MBD5: variants seen among roughly 807,000 people sequenced by gnomAD.
MBD5 encodes methyl-CpG binding domain protein 5.
MBD5 carries 13 observed loss-of-function variants against 117.3 expected under a neutral mutation model. The ratio of observed to expected loss-of-function variants is 0.11; its 90% CI spans 0.07 to 0.18. The LOEUF (loss-of-function observed/expected upper bound fraction) is 0.18. MBD5 is among the 10% of genes least tolerant of loss of function. The probability of loss-of-function intolerance (pLI) is 1.00; values close to 1 mark genes in which losing one functional copy is unlikely to be tolerated. For synonymous variants in MBD5, 727 were observed against 766.4 expected, an observed-to-expected ratio of 0.95 and a Z score of 0.85; for missense variants, 1,879 against 2,093.8, an observed-to-expected ratio of 0.90 and a Z score of 2.00.
At chr2:148,346,283 A>G (rs1421300887) in intron 4 of MBD5, 1 of 152,142 alleles carries the variant, frequency 6.6e-6, no homozygotes, top group African/African-American at 2.4e-5. Context: ...TTATAAATTT[A>G]CATTTAAAAT....
chr2:148,353,418 A>G (rs74820697), intron 4 of MBD5, among the ~76,000 whole-genome samples: 8 of 151,904 alleles, frequency 5.3e-5, no homozygotes, highest in Non-Finnish European at 8.8e-5. Flanking sequence ...ACGTATCTCT[A>G]TTTTTTCAGG....
intron 11 of MBD5, among the ~76,000 whole-genome samples, chr2:148,501,337 A>G (rs1393298680): frequency 6.6e-6 from 1 of 152,130 alleles, no homozygotes; most frequent in East Asian, 1.9e-4. Flanking sequence ...CCCATGAGGC[A>G]TTTTGTTTAA....
chr2:148,180,557 G>T (rs1464028307), intron 2 of MBD5, among the ~76,000 whole-genome samples: 1 of 151,544 alleles, frequency 6.6e-6, no homozygotes, highest in African/African-American at 2.4e-5. Context: ...TTGAGGCAGG[G>T]TCTTATTCTG....
intron 13 of MBD5, among the ~76,000 whole-genome samples, chr2:148,512,426 T>C (rs765706107): frequency 6.6e-6 from 1 of 152,136 alleles, no homozygotes; most frequent in Non-Finnish European, 1.5e-5. Context: ...CATTGTAAAA[T>C]AAGTAGGGTA....
At chr2:148,092,050 T>C (rs1428199894) in intron 1 of MBD5, among the ~76,000 whole-genome samples, 1 of 152,048 alleles carries the variant, frequency 6.6e-6, no homozygotes, top group Non-Finnish European at 1.5e-5. Flanking sequence ...CCAATAAACA[T>C]GGAAAAATGC....
intron 5 of MBD5, among the ~76,000 whole-genome samples, chr2:148,460,671 T>C (rs556888781): frequency 1.3e-5 from 2 of 152,324 alleles, no homozygotes; most frequent in East Asian, 3.9e-4. Context: ...TTTAAACTTT[T>C]TTACATTAAT....
intron 1 of MBD5, among the ~76,000 whole-genome samples, chr2:148,097,400 G>T (rs997753840): frequency 6.6e-6 from 1 of 152,164 alleles, no homozygotes; most frequent in Non-Finnish European, 1.5e-5. Flanking sequence ...AGGTAGCAAC[G>T]AGTGTGCTAA....
intron 1 of MBD5, among the ~76,000 whole-genome samples, chr2:148,135,981 A>G (rs939107208): frequency 6.6e-6 from 1 of 152,082 alleles, no homozygotes; most frequent in Non-Finnish European, 1.5e-5. Context: ...CTAGCAGGGA[A>G]CAAAACTGGT....
In MBD5 at chr2:148,413,438, T is replaced by C. The variant is rs928489721; in HGVS notation, c.-556-44765T>C. Reference sequence around the variant, plus strand: ...CCTGAAGTTTTCTTTTTTTGTTGTGTCTGCCAGCTTTTGGTATCAGGATAA... The same window carrying C: ...CCTGAAGTTTTCTTTTTTTGTTGTGCCTGCCAGCTTTTGGTATCAGGATAA... On this transcript the variant is annotated intron_variant, in intron 4 of 13. Transcript: ENST00000642680. 2.0e-5 allele frequency among the ~76,000 whole-genome samples: 3 copies of C among 151,932 alleles called. No individual in the cohort carries two copies. In the East Asian group the frequency reaches 5.8e-4, roughly 29 times the overall value.
intron 3 of MBD5, among the ~76,000 whole-genome samples, chr2:148,263,202 A>G (rs1331310164): frequency 6.6e-6 from 1 of 152,190 alleles, no homozygotes; most frequent in Non-Finnish European, 1.5e-5. Flanking sequence ...GAATTTGTGA[A>G]CTGAGCTCAG....
chr2:148,219,017 A>C (rs1187417374), intron 2 of MBD5, among the ~76,000 whole-genome samples: 1 of 152,340 alleles, frequency 6.6e-6, no homozygotes, highest in Non-Finnish European at 1.5e-5. Context: ...CTTTTACTTT[A>C]TAAACTTTAA....
At chr2:148,490,762 T>C (rs1681500062) in intron 11 of MBD5, 168 bp downstream of exon 11, 1 of 794,662 alleles carries the variant, frequency 1.3e-6, no homozygotes, top group Non-Finnish European at 2.0e-6. Flanking sequence ...ATGGTTATAG[T>C]CAACAAAATG....
At chr2:148,041,489 T>C (rs1694357949) in intron 1 of MBD5, 1 of 152,170 alleles carries the variant, frequency 6.6e-6, no homozygotes, top group Non-Finnish European at 1.5e-5. Context: ...GCAGATTGTA[T>C]AGACACTCTT....
chr2:148,369,799 T>C (rs1388894015), intron 4 of MBD5, among the ~76,000 whole-genome samples: 1 of 152,190 alleles, frequency 6.6e-6, no homozygotes, highest in African/African-American at 2.4e-5. Context: ...AGATAGTTTA[T>C]GTTATATTTG....
In MBD5 at chr2:148,381,483, T is replaced by A. The variant is rs548668946; in HGVS notation, c.-557+39147T>A. The stretch of plus-strand genomic sequence containing the variant: ...TGAAAAGACCAAATCTACGTCTAAT[T>A]GGTGTACCTGAAAGTGACGGGGAGA... On this transcript the variant is annotated intron_variant, in intron 4 of 13. Transcript: ENST00000642680. Among the ~76,000 whole-genome samples the A allele has an allele frequency of 3.3e-5, 5 of 152,294 alleles. No homozygotes were observed. In the East Asian group the frequency reaches 9.6e-4, roughly 29 times the overall value.
intron 3 of MBD5, among the ~76,000 whole-genome samples, chr2:148,251,495 C>A (rs1349696251): frequency 6.6e-6 from 1 of 152,100 alleles, no homozygotes; most frequent in Non-Finnish European, 1.5e-5. Flanking sequence ...GTATTTAATA[C>A]CCATTTATGA....
At chr2:148,436,169 T>A (rs1190338545) in intron 4 of MBD5, among the ~76,000 whole-genome samples, 1 of 152,208 alleles carries the variant, frequency 6.6e-6, no homozygotes, top group Non-Finnish European at 1.5e-5. Context: ...GAATTCTGCC[T>A]GTTCTAGGAA....
At chr2:148,348,681 A>G (rs771460153) in intron 4 of MBD5, among the ~76,000 whole-genome samples, 18 of 152,012 alleles carry the variant, frequency 1.2e-4, no homozygotes, top group Non-Finnish European at 2.1e-4. Flanking sequence ...AATTGTTTTT[A>G]TTTGTGTTAA....
intron 3 of MBD5, among the ~76,000 whole-genome samples, chr2:148,249,849 A>G (rs77068158): frequency 0.13 from 19,266 of 152,156 alleles, 1,477 homozygotes; most frequent in Non-Finnish European, 0.18. Context: ...GACATTCTCA[A>G]TTGCCATTAC....
Sources: allele counts gnomAD v4.1 joint callset (sites outside exome capture counted in the v4.1 genomes callset), GRCh38; gene constraint gnomAD v4.1.1; transcripts MANE v1.5; gene names NCBI Gene and HGNC (gene_info 2026-07-23, HGNC 2026-07-21).